Variants in BLTP2 observed in about 807,000 individuals in gnomAD.
BLTP2 encodes U937-associated antigen.
At chr17:28,624,027 G>GT in the BLTP2 span, 1 of 1,502,264 alleles carries the variant, frequency 6.7e-7, no homozygotes, top group Non-Finnish European at 9.2e-7. Context: ...TGAGCACATT[G>GT]TATCAACCAC....
chr17:28,637,186 C>A, the BLTP2 span: 5 of 1,611,774 alleles, frequency 3.1e-6, no homozygotes, highest in East Asian at 1.1e-4. Context: ...AACCAGAAAC[C>A]ATGTCAGCCT....
chr17:28,637,448 CTT>C, the BLTP2 span, among the ~76,000 whole-genome samples: 1 of 152,204 alleles, frequency 6.6e-6, no homozygotes, highest in Non-Finnish European at 1.5e-5. Context: ...ATGGATCTCT[CTT>C]GACTAGATCA....
the BLTP2 span, chr17:28,640,388 G>A: frequency 5.4e-5 from 36 of 660,846 alleles, no homozygotes; most frequent in East Asian, 7.5e-4. Flanking sequence ...GCAAGACTCC[G>A]TCTCAAAAAT....
chr17:28,633,365 A>G, the BLTP2 span: 1 of 1,613,550 alleles, frequency 6.2e-7, no homozygotes. Context: ...AGGTGGCTCC[A>G]CTCCCAGTGC....
At chr17:28,631,803 G>C in the BLTP2 span, 1 of 1,610,532 alleles carries the variant, frequency 6.2e-7, no homozygotes, top group East Asian at 2.2e-5. Flanking sequence ...AGAAATGAAA[G>C]GAGTCTTTCA....
chr17:28,635,420 A>G, the BLTP2 span: 1 of 1,614,170 alleles, frequency 6.2e-7, no homozygotes, highest in Non-Finnish European at 8.5e-7. Flanking sequence ...TTTGGGGGTA[A>G]TGGCTCAGGG....
chr17:28,642,753 A>G, the BLTP2 span: 1 of 691,226 alleles, frequency 1.4e-6, no homozygotes, highest in Non-Finnish European at 2.6e-6. Context: ...GAAATGTCTA[A>G]TCTTAGCATC....
At chr17:28,615,231 G>A in the BLTP2 span, 1 of 1,607,446 alleles carries the variant, frequency 6.2e-7, no homozygotes, top group Non-Finnish European at 8.5e-7. Flanking sequence ...TTCAGCCTTA[G>A]CTTCTCTTTG....
the BLTP2 span, chr17:28,640,032 C>A: frequency 1.9e-6 from 3 of 1,612,820 alleles, no homozygotes; most frequent in South Asian, 2.2e-5. Flanking sequence ...GTGCCTGGAC[C>A]GAGACAGATT....
the BLTP2 span, chr17:28,618,755 T>C: frequency 3.2e-6 from 5 of 1,573,242 alleles, no homozygotes; most frequent in Non-Finnish European, 4.4e-6. Context: ...TGTCTCTCAA[T>C]ACAGCTGCCT....
the BLTP2 span, chr17:28,642,095 C>T: frequency 1.2e-6 from 2 of 1,610,412 alleles, no homozygotes; most frequent in Admixed American, 1.7e-5. Flanking sequence ...GGATGATAAG[C>T]CTCTAAGGTG....
At chr17:28,617,069 C>G in the BLTP2 span, 1 of 1,279,376 alleles carries the variant, frequency 7.8e-7, no homozygotes, top group Admixed American at 2.0e-5. Flanking sequence ...CACAAATCCT[C>G]TGCAGAATGA....
the BLTP2 span, chr17:28,639,752 G>T: frequency 7.1e-7 from 1 of 1,406,478 alleles, no homozygotes; most frequent in Non-Finnish European, 1.0e-6. Context: ...ATCAAAACTT[G>T]TGAGCTGGGG....
the BLTP2 span, chr17:28,637,812 G>C: frequency 3.1e-6 from 5 of 1,606,950 alleles, no homozygotes; most frequent in Non-Finnish European, 4.2e-6. Flanking sequence ...GCACACTTCA[G>C]TATAGACTCC....
At chr17:28,627,694 C>T in the BLTP2 span, among the ~76,000 whole-genome samples, 4 of 152,060 alleles carry the variant, frequency 2.6e-5, no homozygotes, top group South Asian at 2.1e-4. Context: ...CCACTGCGCC[C>T]GGCCCCATAT....
chr17:28,618,866 T>C, the BLTP2 span: 13 of 1,614,030 alleles, frequency 8.1e-6, no homozygotes, highest in East Asian at 2.4e-4. Context: ...GGCGCCACCG[T>C]GCCTGAGCAA....
chr17:28,623,287 T>C, the BLTP2 span, among the ~76,000 whole-genome samples: 3 of 152,222 alleles, frequency 2.0e-5, no homozygotes, highest in Non-Finnish European at 4.4e-5. Context: ...CAAGAGCTCA[T>C]GGCTACTATA....
chr17:28,620,479 A>C, the BLTP2 span: 6 of 1,612,814 alleles, frequency 3.7e-6, no homozygotes, highest in Non-Finnish European at 4.2e-6. Flanking sequence ...CTGTGAGGCT[A>C]ACCAGCATTC....
At chr17:28,645,048 C>G in the BLTP2 span, 3 of 1,600,730 alleles carry the variant, frequency 1.9e-6, no homozygotes, top group Non-Finnish European at 2.6e-6. Context: ...CGGAGAAGAA[C>G]AGAGGCATTT....
Sources: gnomAD v4.1 joint callset for allele counts (sites outside exome capture counted in the v4.1 genomes callset) on GRCh38, gnomAD v4.1.1 for gene constraint, MANE v1.5 for transcripts, NCBI Gene and HGNC (gene_info 2026-07-23, HGNC 2026-07-21) for gene names.